Variants in LRRTM4 observed in about 807,000 individuals in gnomAD.
LRRTM4 encodes the protein leucine rich repeat transmembrane neuronal 4.
In LRRTM4, 25 loss-of-function variants were observed where a neutral mutation model predicts 47.6. The observed-to-expected ratio is 0.53, with a 90% confidence interval of 0.38 to 0.73. The LOEUF (loss-of-function observed/expected upper bound fraction) is 0.73, where lower values mean the gene tolerates loss of function less well. LRRTM4 is among the 30% of genes least tolerant of loss of function. LRRTM4 has a pLI of 0.00. For missense variants in LRRTM4, 638 were observed against 713.4 expected (o/e 0.89, Z 1.20); for synonymous variants, 311 against 269.5 (o/e 1.15, Z -1.51).
intron 3 of LRRTM4, among the ~76,000 whole-genome samples, chr2:77,292,581 G>A (rs1242679313): frequency 6.6e-6 from 1 of 151,546 alleles, no homozygotes; most frequent in Non-Finnish European, 1.5e-5. Context: ...ATCATTCTCA[G>A]TAAACTATTG....
chr2:77,067,061 C>A (rs1679980236), intron 3 of LRRTM4, among the ~76,000 whole-genome samples: 1 of 152,162 alleles, frequency 6.6e-6, no homozygotes, highest in African/African-American at 2.4e-5. Flanking sequence ...TAAAGTATAG[C>A]ACATTCCCAG....
chr2:76,888,493 T>C (rs1439664969), intron 3 of LRRTM4, among the ~76,000 whole-genome samples: 1 of 151,664 alleles, frequency 6.6e-6, no homozygotes, highest in Non-Finnish European at 1.5e-5. Flanking sequence ...TTTTCCTTTT[T>C]AAAATACAAT....
chr2:77,096,145 A>AT (rs905891614), intron 3 of LRRTM4, among the ~76,000 whole-genome samples: 1 of 151,916 alleles, frequency 6.6e-6, no homozygotes, highest in African/African-American at 2.4e-5. Flanking sequence ...AAATATAATC[A>AT]TTTTTTAATT....
At chr2:76,914,566 A>G (rs1473865573) in intron 3 of LRRTM4, among the ~76,000 whole-genome samples, 3 of 152,146 alleles carry the variant, frequency 2.0e-5, no homozygotes, top group Non-Finnish European at 4.4e-5. Context: ...AGATTGTCAT[A>G]TTGTGTCAAC....
At chr2:77,236,075 T>A (rs1244251786) in intron 3 of LRRTM4, among the ~76,000 whole-genome samples, 2 of 152,190 alleles carry the variant, frequency 1.3e-5, no homozygotes, top group Non-Finnish European at 2.9e-5. Flanking sequence ...GGTAATTTGA[T>A]AAGAATAGTG....
chr2:77,219,859 T>A (rs1674568589), intron 3 of LRRTM4, among the ~76,000 whole-genome samples: 1 of 152,118 alleles, frequency 6.6e-6, no homozygotes, highest in African/African-American at 2.4e-5. Context: ...AAGAGAGTAA[T>A]GGTTCTCCCA....
intron 3 of LRRTM4, among the ~76,000 whole-genome samples, chr2:77,374,790 T>G (rs1221758232): frequency 1.3e-5 from 2 of 151,858 alleles, no homozygotes; most frequent in Non-Finnish European, 2.9e-5. Flanking sequence ...GTACCACTAC[T>G]TGATCTCATT....
intron 3 of LRRTM4, among the ~76,000 whole-genome samples, chr2:76,901,398 T>A (rs1673626885): frequency 1.3e-5 from 2 of 152,204 alleles, no homozygotes; most frequent in African/African-American, 4.8e-5. Flanking sequence ...TTACTATGTC[T>A]GTATAGTATT....
intron 3 of LRRTM4, among the ~76,000 whole-genome samples, chr2:77,194,758 GATCCTGCTCTTCTGTATCT>G (rs1388325263): frequency 6.6e-6 from 1 of 151,986 alleles, no homozygotes; most frequent in East Asian, 1.9e-4. Flanking sequence ...ACATGAGCAG[GATCCTGCTCTTCTGTATCT>G]ACAGAAGAGG....
chr2:77,464,760 C>A (rs540895816), intron 3 of LRRTM4, among the ~76,000 whole-genome samples: 1 of 152,048 alleles, frequency 6.6e-6, no homozygotes, highest in Non-Finnish European at 1.5e-5. Flanking sequence ...AGCCAATGAA[C>A]CCTCTGCATC....
At chr2:77,511,310 C>T (rs1004798652) in intron 3 of LRRTM4, among the ~76,000 whole-genome samples, 2 of 152,002 alleles carry the variant, frequency 1.3e-5, no homozygotes, top group Non-Finnish European at 2.9e-5. Context: ...GCAATACCAT[C>T]TGTATTCAGT....
chr2:77,238,239 TATC>T (rs1321164909), intron 3 of LRRTM4, among the ~76,000 whole-genome samples: 1 of 152,160 alleles, frequency 6.6e-6, no homozygotes, highest in Non-Finnish European at 1.5e-5. Context: ...TATCCTATAA[TATC>T]ATGTTGTAAG....
intron 3 of LRRTM4, among the ~76,000 whole-genome samples, chr2:76,850,325 C>G (rs1671956052): frequency 6.6e-6 from 1 of 152,026 alleles, no homozygotes; most frequent in Admixed American, 6.6e-5. Flanking sequence ...TTCTGGAAGC[C>G]CAGTAAAAAC....
intron 3 of LRRTM4, among the ~76,000 whole-genome samples, chr2:77,216,780 G>T (rs2103935896): frequency 6.7e-6 from 1 of 149,476 alleles, no homozygotes; most frequent in Middle Eastern, 3.6e-3. Context: ...ACTTAGAGAG[G>T]TTTTTGAAAA....
intron 3 of LRRTM4, among the ~76,000 whole-genome samples, chr2:77,172,587 C>T (rs1673079475): frequency 6.6e-6 from 1 of 151,658 alleles, no homozygotes; most frequent in Non-Finnish European, 1.5e-5. Flanking sequence ...AGTGAGACTT[C>T]GTCTCAAAAA....
At chr2:76,869,548 ATGAT>A (rs1309785532) in intron 3 of LRRTM4, among the ~76,000 whole-genome samples, 2 of 151,990 alleles carry the variant, frequency 1.3e-5, no homozygotes, top group Non-Finnish European at 1.5e-5. Flanking sequence ...GAAAGGGTAG[ATGAT>A]TGATTTTTTT....
At chr2:77,097,059 T>C (rs1670831345) in intron 3 of LRRTM4, among the ~76,000 whole-genome samples, 2 of 151,884 alleles carry the variant, frequency 1.3e-5, no homozygotes, top group South Asian at 4.1e-4. Flanking sequence ...GCCAGGTTAA[T>C]ACTAATCAAT....
At position 76,783,886 on chromosome 2, in the gene LRRTM4, T is replaced by A. The variant is rs1674528282; in HGVS notation, c.1552-34970A>T. ...TAAGATGGGAGAAGAATGTGTATGA[T>A]TTGACAGTATAAAATACTCATAATA... is the stretch of plus-strand genomic sequence containing the variant. On this transcript the variant is annotated intron_variant, in intron 3 of 3. Transcript: ENST00000409884. Among the ~76,000 whole-genome samples, 3 of 152,270 alleles carry A rather than the reference T, an allele frequency of 2.0e-5. No homozygotes were observed. The South Asian group carries it at 6.2e-4, about 32-fold the overall frequency.
intron 3 of LRRTM4, among the ~76,000 whole-genome samples, chr2:77,180,550 T>C (rs1452395564): frequency 6.6e-6 from 1 of 152,194 alleles, no homozygotes; most frequent in Non-Finnish European, 1.5e-5. Flanking sequence ...ATAGACCTGT[T>C]GAGAAATTCA....
Sources: allele counts gnomAD v4.1 joint callset (sites outside exome capture counted in the v4.1 genomes callset), GRCh38; gene constraint gnomAD v4.1.1; transcripts MANE v1.5; gene names NCBI Gene and HGNC (gene_info 2026-07-23, HGNC 2026-07-21).